Variants in PRH1 observed in about 807,000 individuals in gnomAD.
PRH1 encodes the protein salivary acidic proline-rich phosphoprotein 1/2.
A neutral mutation model predicts 7.9 loss-of-function variants in PRH1; 7 were observed. The ratio of observed to expected loss-of-function variants is 0.89; its 90% CI spans 0.50 to 1.67. The LOEUF (loss-of-function observed/expected upper bound fraction) is 1.67, where lower values mean the gene tolerates loss of function less well. PRH1 is among the 40% of genes most tolerant of loss of function. PRH1 has a pLI of 0.00. For missense variants in PRH1, 109 were observed against 223.6 expected, an observed-to-expected ratio of 0.49 and a Z score of 3.27; for synonymous variants, 45 against 80.8, an observed-to-expected ratio of 0.56 and a Z score of 2.38.
chr12:11,047,297 A>G (rs1942938989), upstream of PRH1: 1 of 216,320 alleles, frequency 4.6e-6, no homozygotes, highest in Non-Finnish European at 9.9e-6. Context: ...ATCAATATAT[A>G]GATTAGACAG....
intron 1 of PRH1, among the ~76,000 whole-genome samples, chr12:11,130,544 A>G (rs937492463): frequency 1.0e-5 from 1 of 96,262 alleles, no homozygotes; most frequent in Non-Finnish European, 2.6e-5. Flanking sequence ...GGCTCTACAG[A>G]AGATATAGGC....
intron 1 of PRH1, among the ~76,000 whole-genome samples, chr12:11,087,188 A>C: frequency 8.7e-6 from 1 of 115,242 alleles, no homozygotes; most frequent in African/African-American, 2.9e-5. Context: ...TGCAGCCTTG[A>C]ACTCCTGGGC....
At chr12:11,030,863 T>A (rs780290333) in intron 1 of PRH1, 2 of 1,614,188 alleles carry the variant, frequency 1.2e-6, no homozygotes, top group Middle Eastern at 1.6e-4. Context: ...GTTTCCTTCA[T>A]ATTCTTTTGT....
At chr12:10,883,541 A>G (rs1283040013) in intron 1 of PRH1, among the ~76,000 whole-genome samples, 1 of 152,092 alleles carries the variant, frequency 6.6e-6, no homozygotes, top group African/African-American at 2.4e-5. Context: ...GCCCTCTTTC[A>G]TCTGTAAATA....
chr12:11,129,626 A>C (rs1237029243), intron 1 of PRH1, among the ~76,000 whole-genome samples: 3 of 152,288 alleles, frequency 2.0e-5, no homozygotes, highest in Non-Finnish European at 4.4e-5. Flanking sequence ...ACACTCACAA[A>C]TGCTTTCCAG....
At chr12:11,083,636 C>G (rs1167170587) in intron 1 of PRH1, among the ~76,000 whole-genome samples, 1 of 152,350 alleles carries the variant, frequency 6.6e-6, no homozygotes, top group East Asian at 1.9e-4. Context: ...GTAGAATTCA[C>G]CAGCAATCCA....
chr12:11,060,933 T>C (rs900353267), intron 1 of PRH1, among the ~76,000 whole-genome samples: 7 of 152,290 alleles, frequency 4.6e-5, no homozygotes, highest in African/African-American at 1.4e-4. Flanking sequence ...CACTGTGGTA[T>C]ATTTGTGTGG....
At chr12:11,000,652 A>G (rs903151507) in intron 1 of PRH1, among the ~76,000 whole-genome samples, 23 of 152,062 alleles carry the variant, frequency 1.5e-4, no homozygotes, top group African/African-American at 5.6e-4. Context: ...ATTCTGCCCT[A>G]TTTTATCCCT....
intron 1 of PRH1, among the ~76,000 whole-genome samples, chr12:11,102,741 C>A (rs1276912832): frequency 6.6e-6 from 1 of 152,118 alleles, no homozygotes; most frequent in Non-Finnish European, 1.5e-5. Context: ...AAACTACTGT[C>A]ACAGTGAACA....
intron 1 of PRH1, among the ~76,000 whole-genome samples, chr12:11,160,627 C>T (rs755806790): frequency 3.9e-5 from 6 of 152,048 alleles, no homozygotes; most frequent in Non-Finnish European, 7.4e-5. Context: ...AGCACCACCA[C>T]GCCCAGCTGA....
rs148916560 is a variant in PRH1, at chr12:11,104,063, T to C, written n.124-56875A>G. Among the ~76,000 whole-genome samples, 255 of 152,092 alleles carry C rather than the reference T, an allele frequency of 1.7e-3. 2 individuals carry two copies. The highest frequency in any genetic ancestry group is 5.7e-3 in the African/African-American group (238 of 41,506). ...ACTACCACTCCCCCATCCAACTTCATTGAGTGCTTTTGATGTGGACACTAG... is the reference window on the plus strand; with the variant it reads ...ACTACCACTCCCCCATCCAACTTCACTGAGTGCTTTTGATGTGGACACTAG... On this transcript the variant is annotated intron_variant and non_coding_transcript_variant, in intron 1 of 4. Coordinates refer to the PRH1 transcript ENST00000541977.
At chr12:10,908,670 T>C in intron 2 of PRH1, 1 of 1,613,936 alleles carries the variant, frequency 6.2e-7, no homozygotes, top group South Asian at 1.1e-5. Context: ...TTGCATTTTC[T>C]GGAGATGTTT....
At chr12:10,944,122 A>G (rs1314085811) in intron 2 of PRH1, among the ~76,000 whole-genome samples, 1 of 152,126 alleles carries the variant, frequency 6.6e-6, no homozygotes, top group Admixed American at 6.5e-5. Flanking sequence ...GAAGAATCTC[A>G]TTGGTAGTTT....
At chr12:10,926,625 G>A (rs1437673044) in intron 2 of PRH1, among the ~76,000 whole-genome samples, 3 of 152,156 alleles carry the variant, frequency 2.0e-5, no homozygotes, top group Admixed American at 6.5e-5. Context: ...GGACCAGGTC[G>A]AGGCTGTTAA....
chr12:11,057,282 G>A (rs778979102), intron 1 of PRH1, among the ~76,000 whole-genome samples: 1 of 152,320 alleles, frequency 6.6e-6, no homozygotes, highest in East Asian at 1.9e-4. Flanking sequence ...ACAGGCATGA[G>A]CCATCACATC....
intron 1 of PRH1, among the ~76,000 whole-genome samples, chr12:11,067,610 C>G (rs1943881889): frequency 6.6e-6 from 1 of 152,092 alleles, no homozygotes; most frequent in African/African-American, 2.4e-5. Context: ...ATCTGTAATC[C>G]CAGCATTTTG....
At chr12:11,132,231 A>AAAGG in intron 1 of PRH1, among the ~76,000 whole-genome samples, 1 of 18,962 alleles carries the variant, frequency 5.3e-5, no homozygotes, top group African/African-American at 7.1e-5. Context: ...TTACACTAGG[A>AAAGG]CAAATCCCAT....
chr12:10,950,490 A>G (rs1449694087), intron 2 of PRH1, among the ~76,000 whole-genome samples: 1 of 151,782 alleles, frequency 6.6e-6, no homozygotes, highest in East Asian at 1.9e-4. Context: ...AAAATTACAT[A>G]TTACTCTTTT....
At chr12:10,921,032 T>C (rs1367404763) in intron 2 of PRH1, among the ~76,000 whole-genome samples, 1 of 152,108 alleles carries the variant, frequency 6.6e-6, no homozygotes, top group African/African-American at 2.4e-5. Flanking sequence ...ATTCTTAGAA[T>C]GAATCTTTTC....
Sources: gnomAD v4.1 joint callset for allele counts (sites outside exome capture counted in the v4.1 genomes callset) on GRCh38, gnomAD v4.1.1 for gene constraint, MANE v1.5 for transcripts, NCBI Gene and HGNC (gene_info 2026-07-23, HGNC 2026-07-21) for gene names.